USP47: variants seen among roughly 807,000 people sequenced by gnomAD.
USP47 encodes the protein ubiquitin carboxyl-terminal hydrolase 47.
A neutral mutation model predicts 165.1 loss-of-function variants in USP47; 35 were observed. That is an observed-to-expected ratio of 0.21 (90% CI 0.16 to 0.28). The LOEUF (loss-of-function observed/expected upper bound fraction) is 0.28, where lower values mean the gene tolerates loss of function less well. Among genes scored for constraint, USP47 ranks in the 10% least tolerant of loss-of-function variants. The pLI is 1.00. For missense variants in USP47, 1,277 were observed against 1,607.4 expected (o/e 0.79, Z 3.52); for synonymous variants, 531 against 544.5 (o/e 0.98, Z 0.35).
Position 11,873,993 on chromosome 11 carries a change from A to G in USP47, c.40-6184A>G, listed in dbSNP as rs550184267. 6.3e-6 allele frequency: 3 copies of G among 473,898 alleles called. No individual in the cohort carries two copies. The East Asian group carries it at 1.1e-4, about 17-fold the overall frequency. The allele number at this position is 473,898 out of a possible 1,614,324, so 29.4% of individuals were successfully genotyped here. On this transcript the variant is annotated intron_variant, in intron 1 of 27. Transcript: ENST00000527733. ...GCTATTTTATTTCTACCCAATTTTA[A>G]TAATAAAAAAGTCACCTTAAATGAA... is the stretch of plus-strand genomic sequence containing the variant.
intron 8 of USP47, among the ~76,000 whole-genome samples, chr11:11,915,873 CTTTT>C (rs930754838): frequency 6.6e-6 from 1 of 151,992 alleles, no homozygotes; most frequent in Admixed American, 6.6e-5. Flanking sequence ...GATCTACTTT[CTTTT>C]TTTGTTCATG....
intron 2 of USP47, among the ~76,000 whole-genome samples, chr11:11,883,892 G>C (rs994878471): frequency 6.6e-6 from 1 of 152,076 alleles, no homozygotes; most frequent in Non-Finnish European, 1.5e-5. Flanking sequence ...ATTTGAAATA[G>C]GTATCATTTA....
chr11:11,939,558 T>C (rs1454768602), intron 18 of USP47, among the ~76,000 whole-genome samples: 1 of 152,100 alleles, frequency 6.6e-6, no homozygotes, highest in Admixed American at 6.6e-5. Flanking sequence ...TGTGAAATTA[T>C]ATTTTATGAT....
chr11:11,861,039 G>A (rs1036515236), intron 1 of USP47, among the ~76,000 whole-genome samples: 3 of 152,094 alleles, frequency 2.0e-5, no homozygotes, highest in Non-Finnish European at 2.9e-5. Context: ...TTTCTTCATC[G>A]ATAAAATAAG....
intron 20 of USP47, 109 bp from the exon 21 acceptor site, chr11:11,947,836 G>A (rs1015249117): frequency 2.7e-6 from 3 of 1,105,172 alleles, no homozygotes; most frequent in Non-Finnish European, 3.8e-6. Flanking sequence ...CTGAAAAGGG[G>A]TACTCTTTAC....
chr11:11,871,253 C>T (rs367814764), intron 1 of USP47, among the ~76,000 whole-genome samples: 1 of 151,580 alleles, frequency 6.6e-6, no homozygotes, highest in Non-Finnish European at 1.5e-5. Context: ...CATGTAATCT[C>T]AGCGCTTTGG....
chr11:11,877,842 TGTGTGTGTGTGTGTGTGC>T (rs766297840), intron 1 of USP47, among the ~76,000 whole-genome samples: 2,178 of 92,802 alleles, frequency 0.023, 62 homozygotes, highest in East Asian at 0.1. Context: ...TGTGTGTGTG[TGTGTGTGTGTGTGTGTGC>T]GCGCGCGCAG....
chr11:11,847,109 C>T (rs1019325044), intron 1 of USP47, among the ~76,000 whole-genome samples: 32 of 152,150 alleles, frequency 2.1e-4, no homozygotes, highest in African/African-American at 7.0e-4. Flanking sequence ...GGGTTAAATG[C>T]GTTGAAAGAT....
chr11:11,918,336 A>G (rs1350927784), intron 8 of USP47, among the ~76,000 whole-genome samples: 3 of 152,294 alleles, frequency 2.0e-5, no homozygotes, highest in Admixed American at 1.3e-4. Flanking sequence ...AGGAATCTCA[A>G]GAGACCAAAC....
In USP47 at chr11:11,959,425, C is replaced by T. The variant is rs1003725556; in HGVS notation, c.*3250C>T. ...TGAAAGGCAAAACTCTGTGTATGTG[C>T]GATTTACCAGGGAGATAGTAGGACA... On this transcript the variant is annotated 3_prime_UTR_variant, in exon 28 of 28. Coordinates refer to ENST00000527733, the MANE Select transcript of USP47 (RefSeq NM_001282659.2). 4 of 152,048 alleles carry T rather than the reference C, an allele frequency of 2.6e-5. No homozygotes were observed. The highest frequency in any genetic ancestry group is 2.0e-4 in the Admixed American group (3 of 15,270). 9.4% of individuals were successfully genotyped at this position (152,048 alleles called of 1,614,324 possible). A position where few individuals can be genotyped will look rare whatever the true frequency, so the allele number is the denominator to read the frequency against.
At chr11:11,869,991 G>A (rs1253678691) in intron 1 of USP47, among the ~76,000 whole-genome samples, 1 of 151,950 alleles carries the variant, frequency 6.6e-6, no homozygotes, top group Non-Finnish European at 1.5e-5. Flanking sequence ...GGTAATTGGG[G>A]TATTTAGATC....
At chr11:11,953,544 C>T (rs1321854158) in intron 25 of USP47, among the ~76,000 whole-genome samples, 3 of 151,924 alleles carry the variant, frequency 2.0e-5, no homozygotes, top group Admixed American at 1.3e-4. Context: ...AAAACCTATC[C>T]TCTGCATAGC....
chr11:11,889,831 C>T (rs1564866277), intron 3 of USP47, among the ~76,000 whole-genome samples: 1 of 152,146 alleles, frequency 6.6e-6, no homozygotes, highest in Non-Finnish European at 1.5e-5. Flanking sequence ...GTAATCAAAA[C>T]ATCATACTGC....
intron 1 of USP47, chr11:11,878,593 A>T (rs1214413836): frequency 1.3e-5 from 2 of 152,086 alleles, no homozygotes; most frequent in African/African-American, 4.8e-5. Flanking sequence ...ATGTATGTTA[A>T]TAATGTTCTT....
At chr11:11,854,860 G>A (rs1262208195) in intron 1 of USP47, among the ~76,000 whole-genome samples, 1 of 147,070 alleles carries the variant, frequency 6.8e-6, no homozygotes, top group Non-Finnish European at 1.5e-5. Flanking sequence ...TTGGGAGGCT[G>A]AAGCAGGCGG....
At chr11:11,894,411 C>T (rs980099818) in intron 4 of USP47, among the ~76,000 whole-genome samples, 10 of 152,068 alleles carry the variant, frequency 6.6e-5, no homozygotes, top group African/African-American at 2.2e-4. Flanking sequence ...CGAAATTGAG[C>T]CACTGCACTC....
chr11:11,883,903 C>T lies in USP47; in HGVS notation c.244-564C>T, dbSNP rs73411094. On this transcript the variant is annotated intron_variant, in intron 2 of 27. Transcript: ENST00000527733. Reference sequence around the variant, plus strand: ...GTACATTTGAAATAGGTATCATTTACTGGGACAGGCTTTTCCTTAAGGAGT... The same window carrying T: ...GTACATTTGAAATAGGTATCATTTATTGGGACAGGCTTTTCCTTAAGGAGT... Among the ~76,000 whole-genome samples the T allele has an allele frequency of 5.1e-3, 778 of 152,246 alleles. 6 individuals are homozygous for T. The highest frequency in any genetic ancestry group is 0.018 in the African/African-American group (739 of 41,550).
chr11:11,952,120 C>T (rs1856264567), intron 24 of USP47: 1 of 152,176 alleles, frequency 6.6e-6, no homozygotes, highest in Non-Finnish European at 1.5e-5. Flanking sequence ...TGAGTAAGAA[C>T]CACTTATTGG....
At chr11:11,932,225 A>G (rs1215522386) in intron 14 of USP47, among the ~76,000 whole-genome samples, 1 of 152,134 alleles carries the variant, frequency 6.6e-6, no homozygotes, top group East Asian at 1.9e-4. Context: ...ACCAGAACTC[A>G]TGAGAACTCA....
Sources: gnomAD v4.1 joint callset for allele counts (sites outside exome capture counted in the v4.1 genomes callset) on GRCh38, gnomAD v4.1.1 for gene constraint, MANE v1.5 for transcripts, NCBI Gene and HGNC (gene_info 2026-07-23, HGNC 2026-07-21) for gene names.